The following ASTN2 variants were observed in gnomAD, a reference collection of about 807,000 sequenced individuals.
ASTN2 encodes the protein astrotactin-2.
In ASTN2, 54 loss-of-function variants were observed where a neutral mutation model predicts 139.8. The ratio of observed to expected loss-of-function variants is 0.39; its 90% confidence interval spans 0.31 to 0.48. The LOEUF (loss-of-function observed/expected upper bound fraction) is 0.48. Among genes scored for constraint, ASTN2 ranks in the 20% least tolerant of loss-of-function variants. The pLI is 0.95. For synonymous variants in ASTN2, 756 were observed against 719.5 expected, an observed-to-expected ratio of 1.05 and a Z score of -0.81; for missense variants, 1,565 against 1,725.1, an observed-to-expected ratio of 0.91 and a Z score of 1.64.
At position 117,414,909 on chromosome 9, in the gene ASTN2, G is replaced by A. The variant is rs1244839556; in HGVS notation, c.30C>T (p.Pro10=). 7 of 629,418 alleles carry A rather than the reference G, an allele frequency of 1.1e-5. No individual in the cohort carries two copies. The highest frequency in any genetic ancestry group is 2.0e-5 in the African/African-American group (1 of 50,260). 39.0% of individuals were successfully genotyped at this position (629,418 alleles called of 1,614,324 possible). MAAAGARLS[P]GPGSGLRGRP... ...GCCCCCGGAGCCCCGAGCCGGGGCCGGGGCTGAGCCGGGCGCCGGCGGCGG... is the reference window on the plus strand; with the variant it reads ...GCCCCCGGAGCCCCGAGCCGGGGCCAGGGCTGAGCCGGGCGCCGGCGGCGG... Residue 10 remains proline, a synonymous_variant, in exon 1 of 23, where the codon CCC becomes CCT. Transcript: ENST00000313400. This position sits in a 1 kb window ranked among gnomAD's most constrained non-coding sequence, Gnocchi z 4.2.
chr9:117,132,163 T>C (rs1343144222), intron 4 of ASTN2, among the ~76,000 whole-genome samples: 1 of 152,080 alleles, frequency 6.6e-6, no homozygotes, highest in Non-Finnish European at 1.5e-5. Context: ...TTGGGCTCAA[T>C]CCAAAAAACC....
At chr9:116,870,905 C>G (rs2132352496) in intron 10 of ASTN2, among the ~76,000 whole-genome samples, 1 of 152,284 alleles carries the variant, frequency 6.6e-6, no homozygotes, top group Non-Finnish European at 1.5e-5. Flanking sequence ...CTGGTAATAG[C>G]CGACAACCTT....
chr9:116,520,991 C>T (rs138526454), intron 19 of ASTN2, among the ~76,000 whole-genome samples: 9,586 of 151,838 alleles, frequency 0.063, 348 homozygotes, highest in East Asian at 0.15. Context: ...AAAACACTGC[C>T]GAAAGAAATC....
chr9:117,376,622 C>T (rs972990715), intron 1 of ASTN2, among the ~76,000 whole-genome samples: 4 of 152,090 alleles, frequency 2.6e-5, no homozygotes, highest in African/African-American at 7.2e-5. Context: ...GTGGGAGGAG[C>T]GAAGCCTGAG....
chr9:117,087,099 G>A (rs982070737), intron 5 of ASTN2, among the ~76,000 whole-genome samples: 1 of 152,220 alleles, frequency 6.6e-6, no homozygotes, highest in Admixed American at 6.5e-5. Context: ...TAGGCAAGAA[G>A]CAGAGGATGG....
At chr9:116,508,773 C>G (rs969124540) in intron 19 of ASTN2, among the ~76,000 whole-genome samples, 1 of 152,114 alleles carries the variant, frequency 6.6e-6, no homozygotes, top group Non-Finnish European at 1.5e-5. Flanking sequence ...GTCATATATT[C>G]TTTCCTCAGC....
chr9:116,617,144 T>A (rs1376148255), intron 19 of ASTN2, among the ~76,000 whole-genome samples: 1 of 152,192 alleles, frequency 6.6e-6, no homozygotes, highest in Non-Finnish European at 1.5e-5. Flanking sequence ...ACTTCTCATG[T>A]TGTCCATAAT....
chr9:116,604,474 G>A (rs1451601602), intron 19 of ASTN2, among the ~76,000 whole-genome samples: 1 of 152,090 alleles, frequency 6.6e-6, no homozygotes, highest in African/African-American at 2.4e-5. Context: ...AATTCTAGCT[G>A]AGAGAGTAAA....
chr9:116,748,087 C>G (rs1829296194), intron 13 of ASTN2, among the ~76,000 whole-genome samples: 1 of 152,092 alleles, frequency 6.6e-6, no homozygotes, highest in African/African-American at 2.4e-5. Flanking sequence ...AGTGAAAGGC[C>G]CTCACACCTT....
rs534841412 is a variant in ASTN2, at chr9:116,538,437, C to A, written c.3356-50937G>T. On this transcript the variant is annotated intron_variant, in intron 19 of 22. Coordinates refer to ENST00000313400, the MANE Select transcript of ASTN2 (RefSeq NM_001365068.1). ...AAAATAAATCTTCAGGGATGTGTGG[C>A]CCATGACTTTGTATTTTAAAAACTT... 3.3e-4 allele frequency among the ~76,000 whole-genome samples: 50 copies of A among 152,170 alleles called. 1 individual carries two copies. In the South Asian group the frequency reaches 7.7e-3, roughly 23 times the overall value.
At chr9:117,388,484 G>C (rs906140687) in intron 1 of ASTN2, among the ~76,000 whole-genome samples, 5 of 152,178 alleles carry the variant, frequency 3.3e-5, no homozygotes, top group Non-Finnish European at 7.3e-5. Context: ...CTGTGTGCTG[G>C]TTATTGCTCC....
At chr9:116,891,094 A>C (rs1356211520) in intron 10 of ASTN2, among the ~76,000 whole-genome samples, 1 of 152,108 alleles carries the variant, frequency 6.6e-6, no homozygotes, top group Non-Finnish European at 1.5e-5. Context: ...TAATGTATTC[A>C]TTGTTCAGTG....
intron 1 of ASTN2, among the ~76,000 whole-genome samples, chr9:117,321,398 A>G (rs555030471): frequency 2.0e-5 from 3 of 152,266 alleles, no homozygotes; most frequent in South Asian, 4.1e-4. Flanking sequence ...CCTTCTCTCT[A>G]AACAAACCAG....
At chr9:117,327,574 A>G (rs1828558260) in intron 1 of ASTN2, among the ~76,000 whole-genome samples, 1 of 152,112 alleles carries the variant, frequency 6.6e-6, no homozygotes, top group East Asian at 1.9e-4. Flanking sequence ...TAAGTAAAAA[A>G]TGGGCAGCTG....
intron 13 of ASTN2, among the ~76,000 whole-genome samples, chr9:116,775,992 T>C (rs762042795): frequency 1.3e-5 from 2 of 152,156 alleles, no homozygotes; most frequent in Non-Finnish European, 2.9e-5. Context: ...CTACGTATGA[T>C]TGTGCAGCTT....
intron 10 of ASTN2, among the ~76,000 whole-genome samples, chr9:116,924,712 A>G (rs1834708521): frequency 6.6e-6 from 1 of 152,192 alleles, no homozygotes; most frequent in African/African-American, 2.4e-5. Context: ...TAATTAGCAT[A>G]TAATGAGCAG....
chr9:116,947,278 G>C (rs1207822888), intron 10 of ASTN2, among the ~76,000 whole-genome samples: 2 of 152,122 alleles, frequency 1.3e-5, no homozygotes, highest in Admixed American at 1.3e-4. Flanking sequence ...TGTTCATTCT[G>C]CCTCTGTGGT....
chr9:116,897,671 CTA>C (rs1491110063), intron 10 of ASTN2, among the ~76,000 whole-genome samples: 1 of 151,816 alleles, frequency 6.6e-6, no homozygotes, highest in Non-Finnish European at 1.5e-5. Context: ...CGAACTGAAT[CTA>C]TATGTGTCAC....
intron 19 of ASTN2, among the ~76,000 whole-genome samples, chr9:116,553,451 T>C (rs546929442): frequency 1.4e-4 from 21 of 152,326 alleles, no homozygotes; most frequent in Non-Finnish European, 2.2e-4. Flanking sequence ...GTCACTGTTA[T>C]CCTCGGCAGA....
Sources: allele counts gnomAD v4.1 joint callset (sites outside exome capture counted in the v4.1 genomes callset), GRCh38; gene constraint gnomAD v4.1.1; non-coding constraint Gnocchi (gnomAD v3.1); transcripts MANE v1.5; gene names NCBI Gene and HGNC (gene_info 2026-07-23, HGNC 2026-07-21).